DENND4C: variants seen among roughly 807,000 people sequenced by gnomAD.
DENND4C encodes the protein DENN domain containing 4C, also known as DENN domain-containing protein 4C.
DENND4C carries 108 observed loss-of-function variants against 203.0 expected under a neutral mutation model. The observed-to-expected ratio is 0.53, with a 90% confidence interval of 0.46 to 0.62. The LOEUF (loss-of-function observed/expected upper bound fraction) is 0.62, where lower values mean the gene tolerates loss of function less well. DENND4C is among the 20% of genes least tolerant of loss of function. The probability of loss-of-function intolerance (pLI) is 0.00; values close to 1 mark genes in which losing one functional copy is unlikely to be tolerated. For missense variants in DENND4C, 2,481 were observed against 2,301.2 expected (o/e 1.08, Z -1.60); for synonymous variants, 871 against 792.4 (o/e 1.10, Z -1.67).
chr9:19,311,677 T>G lies in DENND4C; in HGVS notation c.1488-4740T>G, dbSNP rs1840772045. 1.3e-5 allele frequency among the ~76,000 whole-genome samples: 2 copies of G among 152,102 alleles called. 1 individual carries two copies. The highest frequency in any genetic ancestry group is 4.2e-4 in the South Asian group (2 of 4,816). The stretch of plus-strand genomic sequence containing the variant: ...TTTAATGCTTAAGCACCTCACTCAT[T>G]ATAGGAGAAATGCCACATTAGTTCT... On this transcript the variant is annotated intron_variant, in intron 10 of 32. Coordinates refer to ENST00000434457, the MANE Select transcript of DENND4C (RefSeq NM_001330640.2).
intron 13 of DENND4C, among the ~76,000 whole-genome samples, chr9:19,325,046 G>A (rs147025517): frequency 7.8e-4 from 119 of 151,984 alleles, no homozygotes; most frequent in African/African-American, 2.8e-3. Context: ...TCTCACTTTC[G>A]TTTTACAACT....
intron 29 of DENND4C, 119 bp downstream of exon 29, chr9:19,360,608 A>T: frequency 7.3e-7 from 1 of 1,371,892 alleles, no homozygotes; most frequent in South Asian, 1.3e-5. Context: ...CTCTCACTTA[A>T]AAGTTTGGAT....
intron 2 of DENND4C, among the ~76,000 whole-genome samples, chr9:19,279,700 A>G (rs1241932045): frequency 6.6e-6 from 1 of 150,938 alleles, no homozygotes; most frequent in African/African-American, 2.4e-5. Context: ...AAAAAAAATT[A>G]GCAAGGTGTG....
intron 12 of DENND4C, among the ~76,000 whole-genome samples, chr9:19,317,068 A>G (rs1452944204): frequency 6.6e-6 from 1 of 152,144 alleles, no homozygotes; most frequent in Non-Finnish European, 1.5e-5. Context: ...ATGAAAAGTC[A>G]AAGATGTTAC....
At chr9:19,313,481 A>G (rs1011144867) in intron 10 of DENND4C, among the ~76,000 whole-genome samples, 9 of 152,242 alleles carry the variant, frequency 5.9e-5, no homozygotes, top group African/African-American at 2.2e-4. Flanking sequence ...AATGGATGTT[A>G]ATCCAGACGA....
intron 9 of DENND4C, among the ~76,000 whole-genome samples, chr9:19,302,999 CTT>C (rs57139336): frequency 6.9e-6 from 1 of 144,568 alleles, no homozygotes; most frequent in Non-Finnish European, 1.5e-5. Flanking sequence ...TTTACTTTTC[CTT>C]TTTTTTTTTT....
In DENND4C at chr9:19,233,702, C is replaced by A. The variant is rs145146721; in HGVS notation, c.-18+2869C>A. On this transcript the variant is annotated intron_variant, in intron 1 of 32. Transcript: ENST00000434457. ...CTGCCTCCCAGATGCAAGCGATTCT[C>A]CTGCCTCAGCTTCCCAAATAGCTGG... Among the ~76,000 whole-genome samples, 1,013 of 150,124 alleles carry A rather than the reference C, an allele frequency of 6.7e-3. 10 individuals are homozygous for A. The highest frequency in any genetic ancestry group is 0.024 in the African/African-American group (964 of 40,980).
chr9:19,369,748 CAG>C (rs924663370), intron 30 of DENND4C, 87 bp from the exon 31 acceptor site: 4 of 791,636 alleles, frequency 5.1e-6, no homozygotes, highest in African/African-American at 4.1e-5. Flanking sequence ...GCCTGGGTAA[CAG>C]AGTGAGATGT....
At chr9:19,347,228 C>A in intron 23 of DENND4C, 142 bp downstream of exon 23, 1 of 790,716 alleles carries the variant, frequency 1.3e-6, no homozygotes, top group Non-Finnish European at 2.0e-6. Context: ...CAACCTCTGC[C>A]TCCCGGCTTT....
At chr9:19,245,648 G>T (rs1007325440) in intron 1 of DENND4C, among the ~76,000 whole-genome samples, 13 of 151,764 alleles carry the variant, frequency 8.6e-5, no homozygotes, top group Non-Finnish European at 1.8e-4. Context: ...CGAAGTCAGG[G>T]GTTCGAGATT....
Position 19,237,541 on chromosome 9 carries a change from T to G in DENND4C, c.-18+6708T>G, listed in dbSNP as rs575868214. Among the ~76,000 whole-genome samples, 19 of 152,110 alleles carry G rather than the reference T, an allele frequency of 1.2e-4. 2 individuals are homozygous for G. The South Asian group carries it at 3.7e-3, about 30-fold the overall frequency. On this transcript the variant is annotated intron_variant, in intron 1 of 32. Coordinates refer to ENST00000434457, the MANE Select transcript of DENND4C (RefSeq NM_001330640.2). ...TAATTTTGTGTGTGTGTGTTTTTAG[T>G]AGAGACAGGGTTTCAATGTGTTAGC...
rs564749420 is a variant in DENND4C at position 19,242,165 on chromosome 9, A to T, written c.-18+11332A>T. ...CTTTTCTGGGATGTCTTATAATTGA[A>T]ATCATATAGTATGTAGCCTTTCTGG... On this transcript the variant is annotated intron_variant, in intron 1 of 32. Transcript: ENST00000434457. Among the ~76,000 whole-genome samples, 28 of 152,316 alleles carry T rather than the reference A, an allele frequency of 1.8e-4. 1 individual carries two copies. Among genetic ancestry groups the T allele is most frequent in the African/African-American group, 6.7e-4 (28 of 41,588 alleles).
At chr9:19,367,457 TGAGCGCAGTGGCGCACG>T (rs1827921437) in intron 30 of DENND4C, among the ~76,000 whole-genome samples, 1 of 152,254 alleles carries the variant, frequency 6.6e-6, no homozygotes, top group South Asian at 2.1e-4. Flanking sequence ...AATTGAGGGC[TGAGCGCAGTGGCGCACG>T]CCTGTAATCC....
chr9:19,361,864 T>C lies in DENND4C; in HGVS notation c.5425T>C (p.Ser1809Pro). 9 of 1,607,044 alleles carry C rather than the reference T, an allele frequency of 5.6e-6. No individual in the cohort carries two copies. Among genetic ancestry groups the C allele is most frequent in the Non-Finnish European group, 7.7e-6 (9 of 1,173,666 alleles). ...EGVQLPLSSL[S>P]QDSKLVYIQL... ...CTTTTAGCTTCCTCTGTCATCTCTG[T>C]CCCAGGATAGCAAACTTGTGTATAT... Residue 1809 changes from serine (S) to proline (P), a missense_variant, in exon 30 of 33, where the codon TCC becomes CCC. Physicochemically the swap from Ser to Pro is moderately conservative, Grantham distance 74 (BLOSUM62 -1). Transcript: ENST00000434457.
At chr9:19,334,535 T>G (rs1407372160) in intron 17 of DENND4C, among the ~76,000 whole-genome samples, 4 of 150,222 alleles carry the variant, frequency 2.7e-5, no homozygotes, top group African/African-American at 9.8e-5. Context: ...TTTTTTTTCT[T>G]TTTTTTTTGA....
rs917098589 is a variant in DENND4C at position 19,296,179 on chromosome 9, T to G, written c.973T>G (p.Phe325Val). 1 of 1,613,808 alleles carries G rather than the reference T, an allele frequency of 6.2e-7. No individual in the cohort carries two copies. Among genetic ancestry groups the G allele is most frequent in the Non-Finnish European group, 8.5e-7 (1 of 1,179,930 alleles). Reference protein sequence around the residue: ...LLSHWPFFEAFRKFLMFIYKL... With the variant: ...LLSHWPFFEAVRKFLMFIYKL... Reference sequence around the variant, plus strand: ...CTCACACTGGCCTTTTTTTGAAGCTTTTAGGAAATTTCTTATGTTTATCTA... The same window carrying G: ...CTCACACTGGCCTTTTTTTGAAGCTGTTAGGAAATTTCTTATGTTTATCTA... Residue 325 changes from phenylalanine to valine, a missense_variant, in exon 6 of 33, where the codon TTT (phenylalanine) becomes GTT (valine). Physicochemically the swap from Phe to Val is conservative, Grantham distance 50. Coordinates refer to ENST00000434457, the MANE Select transcript of DENND4C (RefSeq NM_001330640.2).
At chr9:19,275,289 T>TTTTC (rs1554716079) in intron 1 of DENND4C, among the ~76,000 whole-genome samples, 2 of 105,302 alleles carry the variant, frequency 1.9e-5, no homozygotes, top group African/African-American at 3.8e-5. Flanking sequence ...TTTTTTTTTT[T>TTTTC]TTCTTTCTCT....
At chr9:19,246,386 A>G (rs1480566647) in intron 1 of DENND4C, among the ~76,000 whole-genome samples, 1 of 152,126 alleles carries the variant, frequency 6.6e-6, no homozygotes, top group Non-Finnish European at 1.5e-5. Flanking sequence ...GTTTGCTAAG[A>G]AGACTATGTA....
chr9:19,277,972 A>G (rs939926495), intron 2 of DENND4C, among the ~76,000 whole-genome samples: 3 of 151,606 alleles, frequency 2.0e-5, no homozygotes, highest in African/African-American at 7.3e-5. Flanking sequence ...CTTTTGTTGA[A>G]TCTTTCTTTT....
Sources: allele counts gnomAD v4.1 joint callset (sites outside exome capture counted in the v4.1 genomes callset), GRCh38; gene constraint gnomAD v4.1.1; transcripts MANE v1.5; gene names NCBI Gene and HGNC (gene_info 2026-07-23, HGNC 2026-07-21).